Variants in SCUBE3 observed in about 807,000 individuals in gnomAD.
SCUBE3 encodes the protein signal peptide, CUB domain and EGF like domain containing 3, also known as signal peptide, CUB and EGF-like domain-containing protein 3.
SCUBE3 carries 33 observed loss-of-function variants against 116.8 expected under a neutral mutation model. The observed-to-expected ratio is 0.28, with a 90% CI of 0.21 to 0.38. The LOEUF is 0.38. Ranked by LOEUF, SCUBE3 falls within the 10% of genes least tolerant of loss-of-function variation. SCUBE3 has a pLI of 1.00. For synonymous variants in SCUBE3, 418 were observed against 496.9 expected (o/e 0.84, Z 2.11); for missense variants, 1,007 against 1,324.8 (o/e 0.76, Z 3.72).
Position 35,243,227 on chromosome 6 carries a change from A to T in SCUBE3, c.1900A>T (p.Thr634Ser). The change falls in exon 15 of 22, where the codon ACC (threonine) becomes TCC (serine). Residue 634 changes from threonine to serine, a missense_variant. Thr to Ser is a moderately conservative substitution (Grantham distance 58). Around this residue, in one of 5 missense-constraint regions of SCUBE3, gnomAD observed 544 missense variants for 638.9 expected, o/e 0.85. Transcript: ENST00000274938. This position sits in a 1 kb window ranked among gnomAD's most constrained non-coding sequence, Gnocchi z 6.6. ...SCRPGQHRAG[T>S]KCVSCPQGTY... is the part of the protein sequence containing the mutation. ...TAGGCCCGGGCAGCACCGTGCTGGG[A>T]CCAAGTGTGGTAAGGGAGCTTACTG... The T allele has an allele frequency of 6.2e-7, 1 of 1,613,690 alleles. No homozygotes were observed. Among genetic ancestry groups the T allele is most frequent in the East Asian group, 2.2e-5 (1 of 44,872 alleles).
rs1444640321 is a variant in SCUBE3 at position 35,245,262 on chromosome 6, T to C, written c.2436T>C (p.Thr812=). 1 of 1,614,196 alleles carries C rather than the reference T, an allele frequency of 6.2e-7. No homozygotes were observed. Among genetic ancestry groups the C allele is most frequent in the Non-Finnish European group, 8.5e-7 (1 of 1,180,026 alleles). The change falls in exon 19 of 22, where the codon ACT becomes ACC. Residue 812 remains threonine, a synonymous_variant. Coordinates refer to ENST00000274938, the MANE Select transcript of SCUBE3 (RefSeq NM_152753.4). The surrounding 1 kb of genome is among the most constrained non-coding windows in gnomAD (Gnocchi z 4.2). ...RQCGGELGEF[T]GYIESPNYPG... is the part of the protein sequence containing the mutation. ...GTGGTGGGGAGCTGGGTGAGTTCAC[T>C]GGCTATATTGAGTCCCCCAACTACC...
In SCUBE3 at chr6:35,249,916, G is replaced by A. The variant is rs1296675742; in HGVS notation, c.*1211G>A. 1 of 152,664 alleles carries A rather than the reference G, an allele frequency of 6.6e-6. No individual in the cohort carries two copies. The highest frequency in any genetic ancestry group is 1.5e-5 in the Non-Finnish European group (1 of 68,104). 9.5% of individuals were successfully genotyped at this position (152,664 alleles called of 1,614,324 possible). ...TCTTTCTATGTTGTCTAGACGGAGG[G>A]GTTTTTGTTTTCTGGGTTTGTTTTT... On this transcript the variant is annotated 3_prime_UTR_variant, in exon 22 of 22. Transcript: ENST00000274938.
rs183329414 is a variant in SCUBE3, at chr6:35,226,746, G to C, written c.86-834G>C. Among the ~76,000 whole-genome samples the C allele has an allele frequency of 8.5e-3, 1,291 of 152,184 alleles. 13 individuals carry two copies. The highest frequency in any genetic ancestry group is 0.014 in the Non-Finnish European group (934 of 67,984). On this transcript the variant is annotated intron_variant, in intron 1 of 21. Coordinates refer to ENST00000274938, the MANE Select transcript of SCUBE3 (RefSeq NM_152753.4). ...ACCTGCCTTGGCCTCCCAAAGTGCTGGGATTACAGGCATGAGCCACCGCGC... is the reference window on the plus strand; with the variant it reads ...ACCTGCCTTGGCCTCCCAAAGTGCTCGGATTACAGGCATGAGCCACCGCGC...
rs1562050484 is a variant in SCUBE3, at chr6:35,235,069, G to A, written c.712+1768G>A. ...GCCGTCAGGACATTCAGATTCGGTG[G>A]GAAGACTGAGAAGGCAGTATAGTTT... is the stretch of plus-strand genomic sequence containing the variant. On this transcript the variant is annotated intron_variant, in intron 6 of 21. Transcript: ENST00000274938. The surrounding 1 kb of genome is among the most constrained non-coding windows in gnomAD (Gnocchi z 4.5). Among the ~76,000 whole-genome samples the A allele has an allele frequency of 1.3e-5, 2 of 152,218 alleles. No individual in the cohort carries two copies. Among genetic ancestry groups the A allele is most frequent in the South Asian group, 4.1e-4 (2 of 4,828 alleles).
chr6:35,216,234 G>A (rs970994812), intron 1 of SCUBE3, among the ~76,000 whole-genome samples: 4 of 152,214 alleles, frequency 2.6e-5, no homozygotes, highest in African/African-American at 9.6e-5. Flanking sequence ...TTCAGGAACG[G>A]GAGTCAGAAT....
rs1031374773 is a variant in SCUBE3 at position 35,214,125 on chromosome 6, G to A, written c.-294G>A. Among the ~76,000 whole-genome samples, 2 of 152,172 alleles carry A rather than the reference G, an allele frequency of 1.3e-5. No homozygotes were observed. The highest frequency in any genetic ancestry group is 2.4e-5 in the African/African-American group (1 of 41,458). On this transcript the variant is annotated 5_prime_UTR_variant, in exon 1 of 22. Transcript: ENST00000274938. The surrounding 1 kb of genome is among the most constrained non-coding windows in gnomAD (Gnocchi z 6.3). ...CGGAGCAGCCCCGCCGCCGCCGCTG[G>A]CAGAGGCCGGCTTGGAGAGGGCGGG...
At position 35,248,731 on chromosome 6, in the gene SCUBE3, T is replaced by A; in HGVS notation, c.*26T>A. On this transcript the variant is annotated 3_prime_UTR_variant, in exon 22 of 22. Transcript: ENST00000274938. ...TAACCCTAGGCTCAGAGACCCAATTTTTTAAGCCCCCAGACTCCTTAGCCC... is the reference window on the plus strand; with the variant it reads ...TAACCCTAGGCTCAGAGACCCAATTATTTAAGCCCCCAGACTCCTTAGCCC... 1 of 1,610,708 alleles carries A rather than the reference T, an allele frequency of 6.2e-7. No individual in the cohort carries two copies. Among genetic ancestry groups the A allele is most frequent in the Non-Finnish European group, 8.5e-7 (1 of 1,177,724 alleles).
chr6:35,218,283 T>C (rs1783001226), intron 1 of SCUBE3: 1 of 283,680 alleles, frequency 3.5e-6, no homozygotes, highest in Non-Finnish European at 5.3e-6. Flanking sequence ...TGAAGTGCTC[T>C]GGTGAGAGGA....
intron 21 of SCUBE3, among the ~76,000 whole-genome samples, chr6:35,246,516 G>C (rs931460147): frequency 6.6e-6 from 1 of 152,150 alleles, no homozygotes; most frequent in African/African-American, 2.4e-5. Flanking sequence ...CGACTGCAGC[G>C]TCACCCACAC....
chr6:35,226,478 TCC>T (rs1783326765), intron 1 of SCUBE3, among the ~76,000 whole-genome samples: 1 of 111,658 alleles, frequency 9.0e-6, no homozygotes, highest in Admixed American at 1.2e-4. Flanking sequence ...CTTTTCTATG[TCC>T]TTTTTTTTTT....
chr6:35,217,319 C>T (rs575200006), intron 1 of SCUBE3, among the ~76,000 whole-genome samples: 2 of 140,812 alleles, frequency 1.4e-5, no homozygotes, highest in South Asian at 4.9e-4. Flanking sequence ...CAGGTTACAG[C>T]TGAATGAAAA....
chr6:35,240,335 C>A lies in SCUBE3; in HGVS notation c.953-39C>A. On this transcript the variant is annotated intron_variant, in intron 8 of 21. Transcript: ENST00000274938. This position sits in a 1 kb window ranked among gnomAD's most constrained non-coding sequence, Gnocchi z 4.6. ...TTCACCTGAGCAAGGGTCAAGTGCT[C>A]CAAGACAGATTCAGTGGCTTGAATC... The A allele has an allele frequency of 7.4e-7, 1 of 1,352,700 alleles. No individual in the cohort carries two copies. Among genetic ancestry groups the A allele is most frequent in the Non-Finnish European group, 1.0e-6 (1 of 961,694 alleles). 83.8% of individuals were successfully genotyped at this position (1,352,700 alleles called of 1,614,324 possible).
In SCUBE3 at chr6:35,248,931, A is replaced by G; in HGVS notation, c.*226A>G. On this transcript the variant is annotated 3_prime_UTR_variant, in exon 22 of 22. Transcript: ENST00000274938. ...TTCCCCCTTTTCTAACACACTACCT[A>G]GAAAAGCCATTCAGTACTGGCTCTA... is the stretch of plus-strand genomic sequence containing the variant. 1 of 560,566 alleles carries G rather than the reference A, an allele frequency of 1.8e-6. No homozygotes were observed. The highest frequency in any genetic ancestry group is 3.2e-6 in the Non-Finnish European group (1 of 315,680). The allele number at this position is 560,566 out of a possible 1,614,324, so 34.7% of individuals were successfully genotyped here.
At chr6:35,225,742 A>G (rs1254821890) in intron 1 of SCUBE3, among the ~76,000 whole-genome samples, 1 of 152,220 alleles carries the variant, frequency 6.6e-6, no homozygotes, top group Non-Finnish European at 1.5e-5. Context: ...AACTGTCTCA[A>G]GCTAGGACTC....
In SCUBE3 at chr6:35,219,495, C is replaced by T. The variant is rs933169508; in HGVS notation, c.85+4992C>T. Among the ~76,000 whole-genome samples, 5 of 152,108 alleles carry T rather than the reference C, an allele frequency of 3.3e-5. No homozygotes were observed. Among genetic ancestry groups the T allele is most frequent in the African/African-American group, 9.7e-5 (4 of 41,386 alleles). On this transcript the variant is annotated intron_variant, in intron 1 of 21. Transcript: ENST00000274938. This position sits in a 1 kb window ranked among gnomAD's most constrained non-coding sequence, Gnocchi z 4.7. The stretch of plus-strand genomic sequence containing the variant: ...TCCTTGCTCTTACCTCTGGTTTTCC[C>T]TGTGGTTATAACCATAGCCCTAGAG...
chr6:35,242,127 G>C lies in SCUBE3; in HGVS notation c.1418-77G>C, dbSNP rs897568781. The stretch of plus-strand genomic sequence containing the variant: ...AGCCAAGCCCCTGGCTTATTACCCA[G>C]CTTCTCAACAACCCCTACGGCACCC... On this transcript the variant is annotated intron_variant, in intron 12 of 21. Transcript: ENST00000274938. 35 of 1,087,718 alleles carry C rather than the reference G, an allele frequency of 3.2e-5. No homozygotes were observed. The Middle Eastern group carries it at 2.0e-3, about 63-fold the overall frequency. The allele number at this position is 1,087,718 out of a possible 1,614,324, so 67.4% of individuals were successfully genotyped here.
In SCUBE3 at chr6:35,239,679, G is replaced by A. The variant is rs1783948210; in HGVS notation, c.830-73G>A. ...ATTTTTGCATGTCTCTGTCAGTGAG[G>A]GAGGGATCTTTCTCCTTGTTTGTTC... On this transcript the variant is annotated intron_variant, in intron 7 of 21. Transcript: ENST00000274938. The surrounding 1 kb of genome is among the most constrained non-coding windows in gnomAD (Gnocchi z 4.1). 1 of 1,444,110 alleles carries A rather than the reference G, an allele frequency of 6.9e-7. No homozygotes were observed. Among genetic ancestry groups the A allele is most frequent in the Non-Finnish European group, 9.6e-7 (1 of 1,043,284 alleles). 89.5% of individuals were successfully genotyped at this position (1,444,110 alleles called of 1,614,324 possible).
Position 35,228,497 on chromosome 6 carries a change from C to G in SCUBE3, c.209-117C>G, listed in dbSNP as rs1363058217. On this transcript the variant is annotated intron_variant, in intron 2 of 21. Transcript: ENST00000274938. The surrounding 1 kb of genome is among the most constrained non-coding windows in gnomAD (Gnocchi z 4.9). ...AGGTTTAAATGAAAACAGAAAAATG[C>G]TAAATGGCTTATAGGCCATGAACAT... is the stretch of plus-strand genomic sequence containing the variant. The G allele has an allele frequency of 1.0e-6, 1 of 966,964 alleles. No individual in the cohort carries two copies. Among genetic ancestry groups the G allele is most frequent in the Admixed American group, 2.8e-5 (1 of 35,150 alleles). The allele number at this position is 966,964 out of a possible 1,614,324, so 59.9% of individuals were successfully genotyped here. A position where few individuals can be genotyped will look rare whatever the true frequency, so the allele number is the denominator to read the frequency against.
At chr6:35,217,263 G>GGGGGGGGGGGGGGGGGGGGA (rs1782957391) in intron 1 of SCUBE3, among the ~76,000 whole-genome samples, 1 of 101,412 alleles carries the variant, frequency 9.9e-6, no homozygotes, top group African/African-American at 4.6e-5. Flanking sequence ...CGGGGGGGGG[G>GGGGGGGGGGGGGGGGGGGGA]GTGTGTGCAG....
Sources: gnomAD v4.1 joint callset for allele counts (sites outside exome capture counted in the v4.1 genomes callset) on GRCh38, gnomAD v4.1.1 for gene constraint, gnomAD v4.1.1 regional missense constraint, Gnocchi (gnomAD v3.1) non-coding constraint, MANE v1.5 for transcripts, NCBI Gene and HGNC (gene_info 2026-07-23, HGNC 2026-07-21) for gene names.